The following GABRG3 variants were observed in gnomAD, a reference collection of about 807,000 sequenced individuals.
The protein encoded by GABRG3 is gamma-aminobutyric acid receptor subunit gamma-3.
Under a neutral mutation model 48.8 loss-of-function variants are expected in GABRG3, and 25 were observed. That is an observed-to-expected ratio of 0.51 (90% CI 0.37 to 0.72). The LOEUF is 0.72. Among genes scored for constraint, GABRG3 ranks in the 30% least tolerant of loss-of-function variants. The pLI is 0.00. For synonymous variants in GABRG3, 227 were observed against 217.6 expected, an observed-to-expected ratio of 1.04 and a Z score of -0.38; for missense variants, 394 against 577.9, an observed-to-expected ratio of 0.68 and a Z score of 3.26.
At chr15:27,420,459 C>G (rs968919996) in intron 5 of GABRG3, among the ~76,000 whole-genome samples, 1 of 152,168 alleles carries the variant, frequency 6.6e-6, no homozygotes, top group Admixed American at 6.5e-5. Context: ...TGAGTACGTT[C>G]TGGACACCCA....
intron 5 of GABRG3, among the ~76,000 whole-genome samples, chr15:27,393,207 G>A (rs964882901): frequency 4.6e-5 from 7 of 152,024 alleles, no homozygotes; most frequent in Non-Finnish European, 8.8e-5. Context: ...AGCCAGGCGT[G>A]GTGGCGGGTG....
At chr15:27,111,461 A>C (rs1897547604) in intron 3 of GABRG3, among the ~76,000 whole-genome samples, 1 of 152,160 alleles carries the variant, frequency 6.6e-6, no homozygotes, top group African/African-American at 2.4e-5. Context: ...TGAAATCCAG[A>C]CATGATGTGT....
In GABRG3 at chr15:27,165,091, A is replaced by G. The variant is rs138869816; in HGVS notation, c.270+138270A>G. Among the ~76,000 whole-genome samples, 246 of 152,330 alleles carry G rather than the reference A, an allele frequency of 1.6e-3. 3 individuals are homozygous for G. Among genetic ancestry groups the G allele is most frequent in the African/African-American group, 5.6e-3 (232 of 41,578 alleles). ...TTTACTAGTGAAATTTGAAAAAAAT[A>G]TAGAATTTAGAATTTGACATACCAA... On this transcript the variant is annotated intron_variant, in intron 3 of 9. Transcript: ENST00000615808.
intron 3 of GABRG3, among the ~76,000 whole-genome samples, chr15:27,091,116 T>G (rs1326046401): frequency 6.6e-6 from 1 of 152,244 alleles, no homozygotes; most frequent in Non-Finnish European, 1.5e-5. Flanking sequence ...GAGCATGATG[T>G]CAGCTGCAGA....
rs1894834413 is a variant in GABRG3, at chr15:26,971,297, G to T, written c.-239G>T. ...CATTGCTCCCGCCGCCCGGTTGCGC[G>T]GACCGGCGCTAGTGCGCGGGTGGGG... On this transcript the variant is annotated 5_prime_UTR_variant, in exon 1 of 10. Transcript: ENST00000615808. 1 of 204,028 alleles carries T rather than the reference G, an allele frequency of 4.9e-6. No individual in the cohort carries two copies. The allele number at this position is 204,028 out of a possible 1,614,324, so 12.6% of individuals were successfully genotyped here. A position where few individuals can be genotyped will look rare whatever the true frequency, so the allele number is the denominator to read the frequency against.
chr15:27,263,717 T>C (rs1162856435), intron 3 of GABRG3, among the ~76,000 whole-genome samples: 1 of 152,086 alleles, frequency 6.6e-6, no homozygotes, highest in African/African-American at 2.4e-5. Flanking sequence ...GGGGTCATAC[T>C]GCAGGCTGAG....
At chr15:27,229,330 A>T (rs896516100) in intron 3 of GABRG3, among the ~76,000 whole-genome samples, 1 of 152,108 alleles carries the variant, frequency 6.6e-6, no homozygotes, top group African/African-American at 2.4e-5. Context: ...CATTTATTGC[A>T]TAGGCAGTTT....
At chr15:27,525,969 T>TAAA (rs1413992992) in intron 7 of GABRG3, among the ~76,000 whole-genome samples, 40 of 100,052 alleles carry the variant, frequency 4.0e-4, no homozygotes, top group African/African-American at 1.7e-3. Context: ...AATAAAATAA[T>TAAA]TTTTTTCTAA....
rs989739071 is a variant in GABRG3 at position 27,537,711 on chromosome 15, T to C, written c.*4830T>C. The C allele has an allele frequency of 6.6e-6, 1 of 152,066 alleles. No homozygotes were observed. The highest frequency in any genetic ancestry group is 1.5e-5 in the Non-Finnish European group (1 of 68,002). 9.4% of individuals were successfully genotyped at this position (152,066 alleles called of 1,614,324 possible). A position where few individuals can be genotyped will look rare whatever the true frequency, so the allele number is the denominator to read the frequency against. Reference sequence around the variant, plus strand: ...CTAGATATTAGGGCATTTTCTTTCCTCCTTTTAAAATTTCTACTGATTACA... The same window carrying C: ...CTAGATATTAGGGCATTTTCTTTCCCCCTTTTAAAATTTCTACTGATTACA... On this transcript the variant is annotated 3_prime_UTR_variant, in exon 10 of 10. Transcript: ENST00000615808.
intron 3 of GABRG3, among the ~76,000 whole-genome samples, chr15:27,157,456 T>C (rs1898461960): frequency 6.6e-6 from 1 of 152,228 alleles, no homozygotes; most frequent in African/African-American, 2.4e-5. Flanking sequence ...CTTTAGGCCC[T>C]TCCCGTATTT....
rs917893522 is a variant in GABRG3, at chr15:27,352,753, C to T, written c.574+23865C>T. ...AGCTCAGTGTCTTCCCCATATGCCA[C>T]GTTTCACGCAGATGCATGGGGTGAT... is the stretch of plus-strand genomic sequence containing the variant. On this transcript the variant is annotated intron_variant, in intron 5 of 9. Coordinates refer to ENST00000615808, the MANE Select transcript of GABRG3 (RefSeq NM_033223.5). The surrounding 1 kb of genome is among the most constrained non-coding windows in gnomAD (Gnocchi z 4.0). Among the ~76,000 whole-genome samples the T allele has an allele frequency of 1.3e-5, 2 of 152,070 alleles. No individual in the cohort carries two copies. Among genetic ancestry groups the T allele is most frequent in the Non-Finnish European group, 2.9e-5 (2 of 68,014 alleles).
chr15:27,195,958 G>A (rs1888484645), intron 3 of GABRG3, among the ~76,000 whole-genome samples: 1 of 152,142 alleles, frequency 6.6e-6, no homozygotes, highest in Admixed American at 6.5e-5. Context: ...AGCATGATGG[G>A]TAATTTTCTA....
At chr15:27,307,789 TATATATAAAATAAACATAAAC>T (rs1393381027) in intron 3 of GABRG3, among the ~76,000 whole-genome samples, 19 of 67,838 alleles carry the variant, frequency 2.8e-4, no homozygotes, top group South Asian at 2.3e-3. Context: ...TATATAAACA[TATATATAAAATAAACATAAAC>T]ATATATAAAA....
intron 3 of GABRG3, among the ~76,000 whole-genome samples, chr15:27,203,018 G>A (rs1033888009): frequency 6.6e-6 from 1 of 152,044 alleles, no homozygotes; most frequent in African/African-American, 2.4e-5. Flanking sequence ...TTACCACTAA[G>A]TCTTTAATCT....
rs1156255029 is a variant in GABRG3 at position 27,306,242 on chromosome 15, CATAAT to C, written c.271-20562_271-20558del. 5.0e-4 allele frequency among the ~76,000 whole-genome samples: 66 copies of C among 132,992 alleles called. 4 individuals are homozygous for C. The East Asian group carries it at 0.014, about 29-fold the overall frequency. The allele number at this position is 132,992 out of a possible 152,430, so 87.2% of individuals were successfully genotyped here. ...TATAAACATATGTTCTATATATAAA[CATAAT>C]ATAAACATGTCTATATGTAAACATA... is the stretch of plus-strand genomic sequence containing the variant. On this transcript the variant is annotated intron_variant, in intron 3 of 9. Transcript: ENST00000615808.
At chr15:27,324,897 C>T (rs1893554108) in intron 3 of GABRG3, among the ~76,000 whole-genome samples, 1 of 149,042 alleles carries the variant, frequency 6.7e-6, no homozygotes, top group African/African-American at 2.5e-5. Flanking sequence ...AGTTTCTTTC[C>T]CTTGAGCCAT....
At position 27,537,685 on chromosome 15, in the gene GABRG3, A is replaced by C. The variant is rs1469994318; in HGVS notation, c.*4804A>C. ...TTCTTAATGTCTAATAGTTTTGAAG[A>C]CTAGATATTAGGGCATTTTCTTTCC... On this transcript the variant is annotated 3_prime_UTR_variant, in exon 10 of 10. Transcript: ENST00000615808. 1 of 152,084 alleles carries C rather than the reference A, an allele frequency of 6.6e-6. No homozygotes were observed. Among genetic ancestry groups the C allele is most frequent in the Non-Finnish European group, 1.5e-5 (1 of 68,002 alleles). The allele number at this position is 152,084 out of a possible 1,614,324, so 9.4% of individuals were successfully genotyped here.
intron 3 of GABRG3, among the ~76,000 whole-genome samples, chr15:27,188,265 A>G (rs1412887746): frequency 6.6e-6 from 1 of 152,160 alleles, no homozygotes; most frequent in Non-Finnish European, 1.5e-5. Flanking sequence ...GCTGGGTCAA[A>G]TGGTATTTCT....
At chr15:27,077,427 C>G (rs1228460202) in intron 3 of GABRG3, among the ~76,000 whole-genome samples, 2 of 152,120 alleles carry the variant, frequency 1.3e-5, no homozygotes, top group Non-Finnish European at 2.9e-5. Context: ...CAGCTGGACT[C>G]TTACTCTCTC....
Sources: allele counts gnomAD v4.1 joint callset (sites outside exome capture counted in the v4.1 genomes callset), GRCh38; gene constraint gnomAD v4.1.1; non-coding constraint Gnocchi (gnomAD v3.1); transcripts MANE v1.5; gene names NCBI Gene and HGNC (gene_info 2026-07-23, HGNC 2026-07-21).